Variants in DDR1 observed in about 807,000 individuals in gnomAD.
The protein encoded by DDR1 is discoidin domain receptor tyrosine kinase 1.
In DDR1, 64 loss-of-function variants were observed where a neutral mutation model predicts 97.4. The observed-to-expected ratio is 0.66, with a 90% CI of 0.54 to 0.81. DDR1 has a LOEUF of 0.81. Ranked by LOEUF, DDR1 falls within the 30% of genes least tolerant of loss-of-function variation. DDR1 has a pLI of 0.00. For missense variants in DDR1, 990 were observed against 1,259.6 expected, an observed-to-expected ratio of 0.79 and a Z score of 3.24; for synonymous variants, 458 against 503.7, an observed-to-expected ratio of 0.91 and a Z score of 1.21.
In DDR1 at chr6:30,899,376, C is replaced by T. The variant is rs1244619618; in HGVS notation, c.*80C>T. ...ACTAAAACAAGAGGACACAATGGCA[C>T]CTCTGCCCTTCCCCTCCCGACAGCC... is the stretch of plus-strand genomic sequence containing the variant. On this transcript the variant is annotated 3_prime_UTR_variant, in exon 18 of 18. Coordinates refer to ENST00000376568, the MANE Select transcript of DDR1 (RefSeq NM_001297654.2). 5 of 1,517,604 alleles carry T rather than the reference C, an allele frequency of 3.3e-6. No individual in the cohort carries two copies. Among genetic ancestry groups the T allele is most frequent in the African/African-American group, 1.4e-5 (1 of 72,396 alleles). 94.0% of individuals were successfully genotyped at this position (1,517,604 alleles called of 1,614,324 possible).
rs372871218 is a variant in DDR1 at position 30,889,393 on chromosome 6, G to T, written c.380G>T (p.Arg127Leu). Residue 127 changes from arginine to leucine, a missense_variant, in exon 4 of 18, where the codon CGC becomes CTC. Arg to Leu is a moderately radical substitution (Grantham distance 102). Transcript: ENST00000376568. This position sits in a 1 kb window ranked among gnomAD's most constrained non-coding sequence, Gnocchi z 4.9. ...CGGCTGCGTTACTCCCGGGATGGTC[G>T]CCGCTGGATGGGCTGGAAGGACCGC... is the stretch of plus-strand genomic sequence containing the variant. The part of the protein sequence containing the change: ...SYRLRYSRDG[R>L]RWMGWKDRWG... 1.3e-6 allele frequency: 2 copies of T among 1,587,090 alleles called. No individual in the cohort carries two copies.
chr6:30,893,229 G>T, intron 9 of DDR1, 43 bp from the exon 10 acceptor site: 1 of 1,597,346 alleles, frequency 6.3e-7, no homozygotes. Flanking sequence ...CCCTCGGCTA[G>T]GGTGGGACCC....
Position 30,898,305 on chromosome 6 carries a change from A to G in DDR1, c.2449A>G (p.Met817Val), listed in dbSNP as rs1345893701. 3.7e-6 allele frequency: 6 copies of G among 1,611,006 alleles called. No individual in the cohort carries two copies. In the South Asian group the frequency reaches 6.6e-5, roughly 18 times the overall value. Residue 817 changes from methionine (M) to valine (V), a missense_variant and splice_region_variant, in exon 16 of 18, where the codon ATG becomes GTG. Coordinates refer to ENST00000376568, the MANE Select transcript of DDR1 (RefSeq NM_001297654.2). ...IRWMAWECILMGKFTTASDVW... is the reference protein window; with the variant it reads ...IRWMAWECILVGKFTTASDVW... ...CTGGATGGCCTGGGAGTGCATCCTC[A>G]TGGTGAGCAGCCCGAGGACAGCCAG... is the stretch of plus-strand genomic sequence containing the variant.
chr6:30,892,144 A>G lies in DDR1; in HGVS notation c.808A>G (p.Met270Val). Residue 270 changes from methionine (M) to valine (V), a missense_variant, in exon 7 of 18, where the codon ATG becomes GTG. Met to Val is a conservative substitution (Grantham distance 21). Transcript: ENST00000376568. ...CAGCTTCTCCAGTGGCTATGTGGAG[A>G]TGGAGTTTGAGTTTGACCGGCTGAG... is the stretch of plus-strand genomic sequence containing the variant. ...NHSFSSGYVE[M>V]EFEFDRLRAF... 1 of 1,614,076 alleles carries G rather than the reference A, an allele frequency of 6.2e-7. No homozygotes were observed. The highest frequency in any genetic ancestry group is 8.5e-7 in the Non-Finnish European group (1 of 1,179,976).
chr6:30,897,673 G>GA lies in DDR1; in HGVS notation c.2216+77dup. 1 of 1,252,950 alleles carries GA rather than the reference G, an allele frequency of 8.0e-7. No individual in the cohort carries two copies. Among genetic ancestry groups the GA allele is most frequent in the Non-Finnish European group, 1.1e-6 (1 of 897,266 alleles). The allele number at this position is 1,252,950 out of a possible 1,614,324, so 77.6% of individuals were successfully genotyped here. ...CCTCCTCTCCCCTCGCTTCAGCCTG[G>GA]AGGAAAAGAGGGGAGCGTGGGGGTG... On this transcript the variant is annotated intron_variant, in intron 15 of 17. Transcript: ENST00000376568. This position sits in a 1 kb window ranked among gnomAD's most constrained non-coding sequence, Gnocchi z 5.2.
chr6:30,894,738 C>G lies in DDR1; in HGVS notation c.1513+67C>G. The G allele has an allele frequency of 6.8e-7, 1 of 1,465,720 alleles. No homozygotes were observed. Among genetic ancestry groups the G allele is most frequent in the South Asian group, 1.4e-5 (1 of 69,676 alleles). 90.8% of individuals were successfully genotyped at this position (1,465,720 alleles called of 1,614,324 possible). On this transcript the variant is annotated intron_variant, in intron 11 of 17. Transcript: ENST00000376568. The surrounding 1 kb of genome is among the most constrained non-coding windows in gnomAD (Gnocchi z 5.7). Reference sequence around the variant, plus strand: ...CTGTTTTCTTATTGTATCCCTTTCCCATTCTCTTTTTTTCCTGTCTTCCCC... The same window carrying G: ...CTGTTTTCTTATTGTATCCCTTTCCGATTCTCTTTTTTTCCTGTCTTCCCC...
rs1790139646 is a variant in DDR1, at chr6:30,894,935, G to A, written c.1513+264G>A. Among the ~76,000 whole-genome samples the A allele has an allele frequency of 6.6e-6, 1 of 151,872 alleles. No homozygotes were observed. ...TCTATCTTTGTTGTACCCTCTCATT[G>A]TGTCTCCCTGGCCCCTTTGCTTTGT... On this transcript the variant is annotated intron_variant, in intron 11 of 17. Coordinates refer to ENST00000376568, the MANE Select transcript of DDR1 (RefSeq NM_001297654.2). The surrounding 1 kb of genome is among the most constrained non-coding windows in gnomAD (Gnocchi z 5.7).
chr6:30,892,561 C>T lies in DDR1; in HGVS notation c.1099+19C>T, dbSNP rs1045239469. Reference sequence around the variant, plus strand: ...ATCTCTGGTAAGCCCTGGAGTAGCCCAGTCTCCAGTCCCTGAAATTGACAA... The same window carrying T: ...ATCTCTGGTAAGCCCTGGAGTAGCCTAGTCTCCAGTCCCTGAAATTGACAA... On this transcript the variant is annotated intron_variant, in intron 8 of 17. Coordinates refer to ENST00000376568, the MANE Select transcript of DDR1 (RefSeq NM_001297654.2). The T allele has an allele frequency of 1.3e-6, 2 of 1,547,888 alleles. No individual in the cohort carries two copies. The highest frequency in any genetic ancestry group is 8.7e-7 in the Non-Finnish European group (1 of 1,145,614).
Position 30,890,803 on chromosome 6 carries a change from A to G in DDR1, c.418-170A>G, listed in dbSNP as rs1297206031. On this transcript the variant is annotated intron_variant, in intron 4 of 17. Transcript: ENST00000376568. This position sits in a 1 kb window ranked among gnomAD's most constrained non-coding sequence, Gnocchi z 5.0. ...ACAGAGCCAGAGGTCTCAGCTGCAG[A>G]TCTTCATTTCACCCATGCCTGGCTG... 1.2e-5 allele frequency: 7 copies of G among 602,864 alleles called. No homozygotes were observed. The highest frequency in any genetic ancestry group is 1.9e-5 in the Non-Finnish European group (7 of 369,086). 37.3% of individuals were successfully genotyped at this position (602,864 alleles called of 1,614,324 possible). A position where few individuals can be genotyped will look rare whatever the true frequency, so the allele number is the denominator to read the frequency against.
At chr6:30,885,250 G>A (rs1431750817) in intron 1 of DDR1, 4 of 1,532,404 alleles carry the variant, frequency 2.6e-6, no homozygotes, top group South Asian at 1.2e-5. Flanking sequence ...CAGCTTCAGG[G>A]TCCCACCCCC....
At position 30,898,987 on chromosome 6, in the gene DDR1, G is replaced by C; in HGVS notation, c.2551G>C (p.Glu851Gln). The C allele has an allele frequency of 6.2e-7, 1 of 1,614,158 alleles. No homozygotes were observed. The highest frequency in any genetic ancestry group is 8.5e-7 in the Non-Finnish European group (1 of 1,180,028). Residue 851 changes from glutamate to glutamine, a missense_variant, in exon 17 of 18, where the codon GAG (glutamate) becomes CAG (glutamine). Glu to Gln is a conservative substitution (Grantham distance 29). Transcript: ENST00000376568. ...RAQPFGQLTD[E>Q]QVIENAGEFF... is the part of the protein sequence containing the mutation. Reference sequence around the variant, plus strand: ...CCAGCCCTTTGGGCAGCTCACCGACGAGCAGGTCATCGAGAACGCGGGGGA... The same window carrying C: ...CCAGCCCTTTGGGCAGCTCACCGACCAGCAGGTCATCGAGAACGCGGGGGA...
intron 1 of DDR1, chr6:30,885,506 T>C: frequency 1.7e-6 from 2 of 1,155,594 alleles, no homozygotes; most frequent in Non-Finnish European, 2.4e-6. Flanking sequence ...GTCACCCATG[T>C]GTGTTAGAGG....
In DDR1 at chr6:30,893,165, T is replaced by TGA. The variant is rs1789234169; in HGVS notation, c.1195+4_1195+5dup. 5 of 1,606,684 alleles carry TGA rather than the reference T, an allele frequency of 3.1e-6. No individual in the cohort carries two copies. The highest frequency in any genetic ancestry group is 4.2e-6 in the Non-Finnish European group (5 of 1,179,146). ...CTCCCACCAACTTCAGCAGCTTGGG[T>TGA]GAGCAATCTTGGGTGGGCGTGTGGA... On this transcript the variant is annotated splice_region_variant and intron_variant, in intron 9 of 17. Transcript: ENST00000376568.
At position 30,889,045 on chromosome 6, in the gene DDR1, C is replaced by G. The variant is rs778477626; in HGVS notation, c.188+35C>G. On this transcript the variant is annotated intron_variant, in intron 3 of 17. Transcript: ENST00000376568. This position sits in a 1 kb window ranked among gnomAD's most constrained non-coding sequence, Gnocchi z 4.9. The stretch of plus-strand genomic sequence containing the variant: ...ACACCTGGCACACTTGTAGCTGCCC[C>G]GAGAGGAGCTCCTGGGACCTCTACT... 6.2e-7 allele frequency: 1 copy of G among 1,607,314 alleles called. No homozygotes were observed. The highest frequency in any genetic ancestry group is 1.1e-5 in the South Asian group (1 of 90,904).
At position 30,897,308 on chromosome 6, in the gene DDR1, G is replaced by A; in HGVS notation, c.1998-71G>A. ...CCTGGTCTGCCTGAGGTGGGGCAGG[G>A]GGGTGGGGGCGCGGGGGAAGGTGCA... is the stretch of plus-strand genomic sequence containing the variant. On this transcript the variant is annotated intron_variant, in intron 14 of 17. Coordinates refer to ENST00000376568, the MANE Select transcript of DDR1 (RefSeq NM_001297654.2). The surrounding 1 kb of genome is among the most constrained non-coding windows in gnomAD (Gnocchi z 5.2). The A allele has an allele frequency of 6.7e-7, 1 of 1,485,256 alleles. No individual in the cohort carries two copies. Among genetic ancestry groups the A allele is most frequent in the Non-Finnish European group, 9.1e-7 (1 of 1,095,910 alleles). 92.0% of individuals were successfully genotyped at this position (1,485,256 alleles called of 1,614,324 possible).
Position 30,894,370 on chromosome 6 carries a change from TA to T in DDR1, c.1348-134del. 1.4e-6 allele frequency: 1 copy of T among 734,996 alleles called. No individual in the cohort carries two copies. Among genetic ancestry groups the T allele is most frequent in the Non-Finnish European group, 2.0e-6 (1 of 494,464 alleles). The allele number at this position is 734,996 out of a possible 1,614,324, so 45.5% of individuals were successfully genotyped here. A position where few individuals can be genotyped will look rare whatever the true frequency, so the allele number is the denominator to read the frequency against. On this transcript the variant is annotated intron_variant, in intron 10 of 17. Transcript: ENST00000376568. The surrounding 1 kb of genome is among the most constrained non-coding windows in gnomAD (Gnocchi z 5.7). ...TCTTGAGCTTCACTTTCTCTGCCTG[TA>T]AGATGGTGCTGATAGTATCCACAGC...
Position 30,892,083 on chromosome 6 carries a change from C to G in DDR1, c.747C>G (p.Val249=). 2 of 1,614,166 alleles carry G rather than the reference C, an allele frequency of 1.2e-6. No individual in the cohort carries two copies. Among genetic ancestry groups the G allele is most frequent in the East Asian group, 4.5e-5 (2 of 44,882 alleles). ...DDFRKSQELR[V]WPGYDYVGWS... Reference sequence around the variant, plus strand: ...TTAGGAAGAGTCAGGAGCTGCGGGTCTGGCCAGGCTATGACTATGTGGGAT... The same window carrying G: ...TTAGGAAGAGTCAGGAGCTGCGGGTGTGGCCAGGCTATGACTATGTGGGAT... The change falls in exon 7 of 18, where the codon GTC becomes GTG. Residue 249 remains valine (V), a synonymous_variant. Transcript: ENST00000376568.
Position 30,893,102 on chromosome 6 carries a change from C to T in DDR1, c.1134C>T (p.Gly378=). ...VVNNSSPALG[G]TFPPAPWWPP... is the part of the protein sequence containing the mutation. ...ACAATTCCTCTCCGGCACTGGGAGG[C>T]ACCTTCCCGCCAGCCCCCTGGTGGC... Residue 378 remains glycine (G), a synonymous_variant, in exon 9 of 18, where the codon GGC becomes GGT. Coordinates refer to ENST00000376568, the MANE Select transcript of DDR1 (RefSeq NM_001297654.2). The T allele has an allele frequency of 6.2e-7, 1 of 1,612,176 alleles. No homozygotes were observed. Among genetic ancestry groups the T allele is most frequent in the Non-Finnish European group, 8.5e-7 (1 of 1,179,924 alleles).
intron 1 of DDR1, chr6:30,885,750 A>G: frequency 7.7e-7 from 1 of 1,293,656 alleles, no homozygotes; most frequent in Non-Finnish European, 1.0e-6. Context: ...GAGGGTTGTC[A>G]GGGACACTGA....
Sources: allele counts gnomAD v4.1 joint callset (sites outside exome capture counted in the v4.1 genomes callset), GRCh38; gene constraint gnomAD v4.1.1; non-coding constraint Gnocchi (gnomAD v3.1); transcripts MANE v1.5; gene names NCBI Gene and HGNC (gene_info 2026-07-23, HGNC 2026-07-21).